Variants in ZNF582 observed in about 807,000 individuals in gnomAD.
ZNF582 encodes the protein zinc finger protein 582.
ZNF582 carries 14 observed loss-of-function variants against 12.3 expected under a neutral mutation model. The ratio of observed to expected loss-of-function variants is 1.14; its 90% confidence interval spans 0.75 to 1.78. The LOEUF is 1.78. Ranked by LOEUF, ZNF582 falls within the 40% of genes most tolerant of loss-of-function variation. The probability of loss-of-function intolerance (pLI) is 0.00; values close to 1 mark genes in which losing one functional copy is unlikely to be tolerated. For missense variants in ZNF582, 567 were observed against 616.5 expected (o/e 0.92, Z 0.85); for synonymous variants, 210 against 207.2 (o/e 1.01, Z -0.11).
chr19:56,391,446 G>A (rs1020729211), intron 2 of ZNF582, among the ~76,000 whole-genome samples: 1 of 152,198 alleles, frequency 6.6e-6, no homozygotes, highest in Admixed American at 6.5e-5. Flanking sequence ...ATATGTGATT[G>A]CTCCTAAGCA....
exon 1 of ZNF582, chr19:56,393,425 G>T (rs1425242400): frequency 1.8e-6 from 1 of 566,830 alleles, no homozygotes; most frequent in Non-Finnish European, 3.2e-6. Context: ...CGCCTGGAAA[G>T]CTCCGGAACC....
At chr19:56,384,799 C>G in exon 5 of ZNF582, 2 of 1,598,084 alleles carry the variant, frequency 1.3e-6, no homozygotes, top group African/African-American at 1.4e-5. Flanking sequence ...ATTTAAAGGC[C>G]TTCCCACATT....
rs1044112517 is a variant in ZNF582, at chr19:56,389,877, C to T, written c.232+124G>A. 11 of 679,482 alleles carry T rather than the reference C, an allele frequency of 1.6e-5. No homozygotes were observed. The Admixed American group carries it at 2.9e-4, about 18-fold the overall frequency. 42.1% of individuals were successfully genotyped at this position (679,482 alleles called of 1,614,324 possible). A position where few individuals can be genotyped will look rare whatever the true frequency, so the allele number is the denominator to read the frequency against. On this transcript the variant is annotated intron_variant, in intron 4 of 4. Transcript: ENST00000586929. ...AATGCTGCTGACGAGCTGAGGAAAA[C>T]AACACGTAAGACATAAGCTTTGAAG...
rs1247164655 is a variant in ZNF582, at chr19:56,390,074, A to G, written c.159T>C (p.Asp53=). Reference sequence around the variant, plus strand: ...TGCCTTGCTCTAGGAAGGAGATCACATCAGGTTTGGAAACGGCAAGACCTG... The same window carrying G: ...TGCCTTGCTCTAGGAAGGAGATCACGTCAGGTTTGGAAACGGCAAGACCTG... The change falls in exon 4 of 5, where the codon GAT becomes GAC. Residue 53 remains aspartate, a synonymous_variant. Transcript: ENST00000586929. The G allele has an allele frequency of 5.0e-6, 8 of 1,613,634 alleles. No individual in the cohort carries two copies. The African/African-American group carries it at 1.1e-4, about 22-fold the overall frequency.
At chr19:56,387,397 A>G (rs1231209026) in intron 4 of ZNF582, 5 of 152,174 alleles carry the variant, frequency 3.3e-5, no homozygotes, top group African/African-American at 9.7e-5. Context: ...ACCTTCTTAA[A>G]TTCTGTCAGC....
chr19:56,391,953 C>T (rs751939365), intron 1 of ZNF582, 121 bp from the exon 2 acceptor site: 12 of 783,310 alleles, frequency 1.5e-5, no homozygotes, highest in African/African-American at 3.5e-5. Context: ...GAGGGGGAGG[C>T]AAAGGGATCC....
At chr19:56,385,247 TA>T in intron 4 of ZNF582, 63 bp from the exon 5 acceptor site, 1 of 1,489,658 alleles carries the variant, frequency 6.7e-7, no homozygotes. Flanking sequence ...GGAACTAAAA[TA>T]AGAACTGGAG....
At chr19:56,389,390 C>G (rs1017544793) in intron 4 of ZNF582, among the ~76,000 whole-genome samples, 10 of 152,122 alleles carry the variant, frequency 6.6e-5, no homozygotes, top group African/African-American at 2.2e-4. Flanking sequence ...ATGGATGGAG[C>G]TGGAAGCCAT....
At chr19:56,387,034 T>C (rs1003058808) in intron 4 of ZNF582, among the ~76,000 whole-genome samples, 11 of 152,376 alleles carry the variant, frequency 7.2e-5, no homozygotes, top group African/African-American at 2.6e-4. Context: ...GATAATTCTG[T>C]TGAGACTTCT....
Position 56,384,090 on chromosome 19 carries a change from C to T in ZNF582, c.1327G>A (p.Val443Ile). Residue 443 changes from valine to isoleucine, a missense_variant, in exon 5 of 5, where the codon GTT becomes ATT. By Grantham distance (29) the Val-to-Ile change is conservative. Coordinates refer to ENST00000586929, the Ensembl canonical transcript of ZNF582. ...TAGGGCTTTTTCTCAGTGTGAATAACCTGATGATGAATCAATTGTGAGCAA... is the reference window on the plus strand; with the variant it reads ...TAGGGCTTTTTCTCAGTGTGAATAATCTGATGATGAATCAATTGTGAGCAA... 1.2e-6 allele frequency: 2 copies of T among 1,611,756 alleles called. No individual in the cohort carries two copies. The highest frequency in any genetic ancestry group is 1.7e-6 in the Non-Finnish European group (2 of 1,179,020).
At chr19:56,385,488 C>G (rs1236427270) in intron 4 of ZNF582, among the ~76,000 whole-genome samples, 3 of 152,080 alleles carry the variant, frequency 2.0e-5, no homozygotes, top group Admixed American at 2.0e-4. Flanking sequence ...GAGTTTGAGA[C>G]CAGCTTCAGC....
intron 4 of ZNF582, chr19:56,386,397 T>C (rs1486089672): frequency 6.6e-6 from 1 of 152,242 alleles, no homozygotes; most frequent in Admixed American, 6.5e-5. Context: ...GAATGACATT[T>C]CTTAAATTTC....
At chr19:56,388,994 G>A (rs1305298535) in intron 4 of ZNF582, among the ~76,000 whole-genome samples, 1 of 152,172 alleles carries the variant, frequency 6.6e-6, no homozygotes, top group Non-Finnish European at 1.5e-5. Flanking sequence ...GAGGTACCAA[G>A]GGCTCCCTGC....
intron 4 of ZNF582, among the ~76,000 whole-genome samples, chr19:56,388,954 C>T (rs1430337893): frequency 6.6e-6 from 1 of 152,236 alleles, no homozygotes; most frequent in Non-Finnish European, 1.5e-5. Flanking sequence ...TGCTCACTGA[C>T]CTCAGCCACA....
exon 1 of ZNF582, chr19:56,393,360 T>C: frequency 1.1e-6 from 1 of 946,842 alleles, no homozygotes; most frequent in Non-Finnish European, 1.5e-6. Flanking sequence ...GTCTGCGTTC[T>C]TCTCAGGCCT....
chr19:56,390,204 G>T, intron 3 of ZNF582, 108 bp from the exon 4 acceptor site: 5 of 1,358,016 alleles, frequency 3.7e-6, no homozygotes, highest in Non-Finnish European at 5.2e-6. Context: ...AGTGCCAGAG[G>T]AAGATGGGAC....
chr19:56,385,722 A>AT (rs2041961090), intron 4 of ZNF582, among the ~76,000 whole-genome samples: 1 of 151,972 alleles, frequency 6.6e-6, no homozygotes, highest in South Asian at 2.1e-4. Flanking sequence ...ATTGAACAAT[A>AT]TTTTTTAAGA....
chr19:56,387,443 T>C (rs1204507355), intron 4 of ZNF582: 1 of 152,194 alleles, frequency 6.6e-6, no homozygotes, highest in Admixed American at 6.5e-5. Context: ...TAACTGGATG[T>C]TTCTGAGGTG....
At chr19:56,385,970 T>C (rs8111942) in intron 4 of ZNF582, among the ~76,000 whole-genome samples, 32,626 of 151,854 alleles carry the variant, frequency 0.21, 5,070 homozygotes, top group African/African-American at 0.43. Flanking sequence ...CCCAAAAGAG[T>C]GAATTTTAAA....
Sources: allele counts gnomAD v4.1 joint callset (sites outside exome capture counted in the v4.1 genomes callset), GRCh38; gene constraint gnomAD v4.1.1; transcripts MANE v1.5; gene names NCBI Gene and HGNC (gene_info 2026-07-23, HGNC 2026-07-21).